ARMC9: variants seen among roughly 807,000 people sequenced by gnomAD.
ARMC9 encodes the protein armadillo repeat containing 9, also known as lisH domain-containing protein ARMC9.
A neutral mutation model predicts 107.0 loss-of-function variants in ARMC9; 94 were observed. The ratio of observed to expected loss-of-function variants is 0.88; its 90% CI spans 0.74 to 1.04. The LOEUF (loss-of-function observed/expected upper bound fraction) is 1.04. Among genes scored for constraint, ARMC9 ranks in the 50% least tolerant of loss-of-function variants. The pLI, the probability that ARMC9 is intolerant of heterozygous loss-of-function variation, is 0.00. For missense variants in ARMC9, 942 were observed against 1,030.1 expected (o/e 0.91, Z 1.17); for synonymous variants, 380 against 396.9 (o/e 0.96, Z 0.51).
chr2:231,349,732 G>T (rs1222190998), intron 21 of ARMC9, among the ~76,000 whole-genome samples: 2 of 151,926 alleles, frequency 1.3e-5, no homozygotes, highest in East Asian at 3.9e-4. Context: ...AGTGAGCTGA[G>T]ATCACACCAC....
intron 19 of ARMC9, among the ~76,000 whole-genome samples, chr2:231,328,112 T>G (rs1003166601): frequency 6.6e-6 from 1 of 152,210 alleles, no homozygotes; most frequent in Non-Finnish European, 1.5e-5. Context: ...AGGCATGTAG[T>G]GATATCTCAT....
At chr2:231,224,792 T>C (rs1200101493) in intron 6 of ARMC9, among the ~76,000 whole-genome samples, 1 of 152,216 alleles carries the variant, frequency 6.6e-6, no homozygotes, top group Non-Finnish European at 1.5e-5. Flanking sequence ...AAGATGTAAT[T>C]CTCTTAGCCA....
At chr2:231,204,940 C>T (rs1460454820) in intron 1 of ARMC9, among the ~76,000 whole-genome samples, 1 of 151,976 alleles carries the variant, frequency 6.6e-6, no homozygotes, top group Non-Finnish European at 1.5e-5. Flanking sequence ...TGGCCTTCAT[C>T]TGGAGGGCGC....
At chr2:231,209,899 G>T (rs1206903656) in intron 3 of ARMC9, among the ~76,000 whole-genome samples, 1 of 152,136 alleles carries the variant, frequency 6.6e-6, no homozygotes, top group African/African-American at 2.4e-5. Context: ...TCCCAGGCTG[G>T]TCTCAAACTC....
intron 20 of ARMC9, among the ~76,000 whole-genome samples, chr2:231,338,321 C>G (rs2044266756): frequency 6.6e-6 from 1 of 151,228 alleles, no homozygotes; most frequent in South Asian, 2.1e-4. Flanking sequence ...CAGGTTCATG[C>G]AATTCTCGTG....
intron 23 of ARMC9, among the ~76,000 whole-genome samples, chr2:231,364,711 T>C (rs896112505): frequency 6.6e-5 from 10 of 151,572 alleles, no homozygotes; most frequent in African/African-American, 2.4e-4. Context: ...GGCAGGAGAA[T>C]CATTTGAACC....
chr2:231,337,454 G>T (rs868664901), intron 20 of ARMC9, among the ~76,000 whole-genome samples: 4 of 144,504 alleles, frequency 2.8e-5, no homozygotes, highest in Non-Finnish European at 6.0e-5. Context: ...GCGCCACCAC[G>T]CCCGGCTAAT....
chr2:231,369,503 A>C (rs1472238515), intron 23 of ARMC9, among the ~76,000 whole-genome samples: 1 of 151,880 alleles, frequency 6.6e-6, no homozygotes, highest in Non-Finnish European at 1.5e-5. Flanking sequence ...CATATTGGTC[A>C]GGCTGGTCTC....
At chr2:231,239,390 T>G (rs1281648992) in intron 8 of ARMC9, among the ~76,000 whole-genome samples, 1 of 152,302 alleles carries the variant, frequency 6.6e-6, no homozygotes, top group East Asian at 1.9e-4. Flanking sequence ...CACTGGATAG[T>G]TGATTAAAAG....
At chr2:231,214,681 C>T in intron 3 of ARMC9, 150 bp from the exon 4 acceptor site, 1 of 788,512 alleles carries the variant, frequency 1.3e-6, no homozygotes, top group Non-Finnish European at 2.0e-6. Flanking sequence ...GAATCGCAGG[C>T]TCAGGAGCTT....
intron 19 of ARMC9, among the ~76,000 whole-genome samples, chr2:231,310,694 G>A (rs2042297032): frequency 6.6e-6 from 1 of 151,766 alleles, no homozygotes; most frequent in Non-Finnish European, 1.5e-5. Context: ...AGCCGAGATT[G>A]TGCCATTGCA....
chr2:231,249,319 A>G (rs1325576971), intron 9 of ARMC9, among the ~76,000 whole-genome samples: 2 of 152,236 alleles, frequency 1.3e-5, no homozygotes, highest in Admixed American at 6.5e-5. Context: ...AGCAGTACAC[A>G]GGAGACTCCC....
At chr2:231,202,289 C>T (rs368407122) in intron 1 of ARMC9, among the ~76,000 whole-genome samples, 17 of 148,310 alleles carry the variant, frequency 1.1e-4, no homozygotes, top group Non-Finnish European at 1.9e-4. Context: ...CGTGAGCCAC[C>T]GTGCCCAGCT....
rs56913296 is a variant in ARMC9 at position 231,371,906 on chromosome 2, G to A, written c.*371G>A. On this transcript the variant is annotated 3_prime_UTR_variant, in exon 25 of 25. Coordinates refer to ENST00000611582, the MANE Select transcript of ARMC9 (RefSeq NM_001352754.2). Reference sequence around the variant, plus strand: ...CCCTGGCCCTCCAGGCCCCAACAGGGCGACAGTGTAGGGCCAGCCTGGAGC... The same window carrying A: ...CCCTGGCCCTCCAGGCCCCAACAGGACGACAGTGTAGGGCCAGCCTGGAGC... The A allele has an allele frequency of 3.2e-3, 731 of 227,294 alleles. 5 individuals are homozygous for A. The highest frequency in any genetic ancestry group is 0.015 in the African/African-American group (679 of 44,434). The allele number at this position is 227,294 out of a possible 1,614,324, so 14.1% of individuals were successfully genotyped here.
At chr2:231,263,875 C>T (rs1326141134) in intron 12 of ARMC9, among the ~76,000 whole-genome samples, 3 of 152,150 alleles carry the variant, frequency 2.0e-5, no homozygotes, top group Non-Finnish European at 4.4e-5. Context: ...AACTTCCAAA[C>T]TCAAATTAAA....
At chr2:231,231,936 G>T (rs1574698474) in intron 7 of ARMC9, among the ~76,000 whole-genome samples, 1 of 152,050 alleles carries the variant, frequency 6.6e-6, no homozygotes, top group African/African-American at 2.4e-5. Context: ...TGATCTGCCT[G>T]CCTTGGCCTC....
At chr2:231,282,238 C>G (rs2040271925) in intron 17 of ARMC9, 105 bp downstream of exon 17, 1 of 1,118,296 alleles carries the variant, frequency 8.9e-7, no homozygotes, top group African/African-American at 1.6e-5. Flanking sequence ...GGCTCAGATC[C>G]GTTCCAAACT....
chr2:231,313,222 A>G (rs2042455148), intron 19 of ARMC9, among the ~76,000 whole-genome samples: 1 of 152,188 alleles, frequency 6.6e-6, no homozygotes, highest in African/African-American at 2.4e-5. Flanking sequence ...TCACCATGAA[A>G]TGTCCTTTGT....
rs114184395 is a variant in ARMC9, at chr2:231,229,932, G to A, written c.622+3134G>A. Among the ~76,000 whole-genome samples the A allele has an allele frequency of 5.6e-3, 850 of 152,302 alleles. 7 individuals are homozygous for A. Among genetic ancestry groups the A allele is most frequent in the African/African-American group, 0.019 (799 of 41,564 alleles). ...AGAAAAGTTAAAAAAGAAAGCTTGA[G>A]TGGCGGGGGAGAGATTTACATCACT... is the stretch of plus-strand genomic sequence containing the variant. On this transcript the variant is annotated intron_variant, in intron 7 of 24. Coordinates refer to ENST00000611582, the MANE Select transcript of ARMC9 (RefSeq NM_001352754.2).
Sources: gnomAD v4.1 joint callset for allele counts (sites outside exome capture counted in the v4.1 genomes callset) on GRCh38, gnomAD v4.1.1 for gene constraint, MANE v1.5 for transcripts, NCBI Gene and HGNC (gene_info 2026-07-23, HGNC 2026-07-21) for gene names.